Variants in RGS8 observed in about 807,000 individuals in gnomAD.
RGS8 encodes regulator of G protein signaling 8, also known as regulator of G-protein signaling 8.
In RGS8, 8 loss-of-function variants were observed where a neutral mutation model predicts 21.7. The ratio of observed to expected loss-of-function variants is 0.37; its 90% CI spans 0.22 to 0.66. The LOEUF is 0.66. Ranked by LOEUF, RGS8 falls within the 30% of genes least tolerant of loss-of-function variation. The probability of loss-of-function intolerance (pLI) is 0.59; values close to 1 mark genes in which losing one functional copy is unlikely to be tolerated. For missense variants in RGS8, 157 were observed against 217.9 expected (o/e 0.72, Z 1.76); for synonymous variants, 80 against 83.6 (o/e 0.96, Z 0.24).
intron 4 of RGS8, 87 bp from the exon 6 acceptor site, chr1:182,666,120 ATTGG>A: frequency 8.6e-7 from 1 of 1,168,102 alleles, no homozygotes; most frequent in Non-Finnish European, 1.3e-6. Context: ...AAGAAAACAA[ATTGG>A]AAAAATGTGG....
chr1:182,649,529 T>C (rs1393008921), intron 5 of RGS8, among the ~76,000 whole-genome samples: 1 of 152,234 alleles, frequency 6.6e-6, no homozygotes, highest in Non-Finnish European at 1.5e-5. Flanking sequence ...TTGATCATAA[T>C]TTTTCTGCCA....
chr1:182,728,442 G>A, the RGS8 span, among the ~76,000 whole-genome samples: 3 of 152,128 alleles, frequency 2.0e-5, no homozygotes, highest in Non-Finnish European at 4.4e-5. Context: ...GCTAGCACAA[G>A]TAAACAGAAG....
At chr1:182,751,824 A>G in the RGS8 span, among the ~76,000 whole-genome samples, 12 of 152,154 alleles carry the variant, frequency 7.9e-5, no homozygotes, top group Non-Finnish European at 5.9e-5. Context: ...ACTAGAAGCA[A>G]CCTTCCAGAA....
At chr1:182,661,931 C>T (rs1362725912) in intron 5 of RGS8, among the ~76,000 whole-genome samples, 1 of 152,038 alleles carries the variant, frequency 6.6e-6, no homozygotes, top group African/African-American at 2.4e-5. Flanking sequence ...CAAATTAATG[C>T]ACATTAGAAA....
the RGS8 span, among the ~76,000 whole-genome samples, chr1:182,719,698 T>C: frequency 5.9e-5 from 9 of 151,524 alleles, no homozygotes; most frequent in African/African-American, 1.7e-4. Flanking sequence ...CAAAGTGCTA[T>C]GATTATAGGC....
intron 5 of RGS8, among the ~76,000 whole-genome samples, chr1:182,659,422 C>T (rs1047722739): frequency 6.6e-6 from 1 of 152,150 alleles, no homozygotes; most frequent in Non-Finnish European, 1.5e-5. Context: ...AACATGTAGC[C>T]GGGCGCGGTG....
chr1:182,659,943 A>T (rs566580503), intron 5 of RGS8, among the ~76,000 whole-genome samples: 6 of 152,096 alleles, frequency 3.9e-5, no homozygotes, highest in Admixed American at 6.5e-5. Flanking sequence ...GGCAAAGGGG[A>T]CAAGTATTAT....
the RGS8 span, among the ~76,000 whole-genome samples, chr1:182,713,398 C>T: frequency 6.6e-6 from 1 of 152,006 alleles, no homozygotes; most frequent in East Asian, 1.9e-4. Flanking sequence ...TAGCCAGGCT[C>T]TTCTAGATCT....
chr1:182,646,624 C>T, exon 7 of RGS8: 1 of 1,013,554 alleles, frequency 9.9e-7, no homozygotes, highest in South Asian at 1.6e-5. Flanking sequence ...CCCCAGCCTC[C>T]CACCCCCAAT....
chr1:182,673,721 T>C (rs184154458), upstream of RGS8, among the ~76,000 whole-genome samples: 181 of 152,336 alleles, frequency 1.2e-3, no homozygotes, highest in African/African-American at 4.0e-3. Context: ...CTGTTGCTAA[T>C]TGGGGTTTAG....
the RGS8 span, among the ~76,000 whole-genome samples, chr1:182,741,356 G>A: frequency 7.6e-6 from 1 of 131,018 alleles, no homozygotes; most frequent in African/African-American, 3.0e-5. Flanking sequence ...GCCGGGCGGG[G>A]GGGCTGAACC....
chr1:182,692,989 A>C, the RGS8 span, among the ~76,000 whole-genome samples: 1 of 152,248 alleles, frequency 6.6e-6, no homozygotes, highest in African/African-American at 2.4e-5. Context: ...AATGTGGATT[A>C]AAGACTTAAA....
the RGS8 span, among the ~76,000 whole-genome samples, chr1:182,724,236 A>C: frequency 8.3e-6 from 1 of 120,750 alleles, no homozygotes; most frequent in African/African-American, 3.1e-5. Context: ...ATATATATAT[A>C]TATATATATA....
chr1:182,690,865 C>T, the RGS8 span, among the ~76,000 whole-genome samples: 5 of 152,188 alleles, frequency 3.3e-5, no homozygotes, highest in Non-Finnish European at 7.3e-5. Context: ...GCCTACAGGA[C>T]AATAGCAAAC....
At chr1:182,738,450 A>T in the RGS8 span, among the ~76,000 whole-genome samples, 4 of 152,248 alleles carry the variant, frequency 2.6e-5, no homozygotes, top group Non-Finnish European at 5.9e-5. Context: ...TATATATTTT[A>T]AAATAGCATT....
intron 5 of RGS8, among the ~76,000 whole-genome samples, chr1:182,649,927 G>A (rs1176314997): frequency 1.4e-5 from 2 of 145,028 alleles, no homozygotes; most frequent in Admixed American, 6.9e-5. Flanking sequence ...TTTTTTGGGT[G>A]GGGGGCATGG....
chr1:182,664,042 G>A (rs779836939), intron 5 of RGS8, among the ~76,000 whole-genome samples: 1 of 152,068 alleles, frequency 6.6e-6, no homozygotes, highest in Non-Finnish European at 1.5e-5. Flanking sequence ...AAGCATCCCT[G>A]ACAGAAGTAG....
At chr1:182,727,480 T>C in the RGS8 span, among the ~76,000 whole-genome samples, 1 of 152,218 alleles carries the variant, frequency 6.6e-6, no homozygotes, top group African/African-American at 2.4e-5. Context: ...GGGAGTAAAA[T>C]TGACATTCTG....
At chr1:182,716,965 C>T in the RGS8 span, among the ~76,000 whole-genome samples, 5 of 152,258 alleles carry the variant, frequency 3.3e-5, no homozygotes, top group Admixed American at 6.5e-5. Flanking sequence ...CAAGGTATAA[C>T]GAACATACTA....
Sources: gnomAD v4.1 joint callset for allele counts (sites outside exome capture counted in the v4.1 genomes callset) on GRCh38, gnomAD v4.1.1 for gene constraint, MANE v1.5 for transcripts, NCBI Gene and HGNC (gene_info 2026-07-23, HGNC 2026-07-21) for gene names.